ZNG1A: variants seen among roughly 807,000 people sequenced by gnomAD.
ZNG1A encodes the protein zinc-regulated GTPase metalloprotein activator 1A.
the ZNG1A span, among the ~76,000 whole-genome samples, chr9:133,795 C>G: frequency 3.3e-5 from 5 of 151,026 alleles, no homozygotes; most frequent in African/African-American, 1.2e-4. Context: ...TGAGTACCCA[C>G]CAAGCCCTGT....
the ZNG1A span, chr9:147,167 C>G: frequency 2.1e-4 from 24 of 113,212 alleles, 1 homozygote; most frequent in Admixed American, 1.9e-3. Flanking sequence ...CAGAGTGAGA[C>G]TCCGCCTCAA....
At chr9:172,321 T>C in the ZNG1A span, 1 of 923,744 alleles carries the variant, frequency 1.1e-6, no homozygotes, top group South Asian at 1.7e-5. Context: ...TCTAACAAAA[T>C]GTCCGTCCCA....
the ZNG1A span, among the ~76,000 whole-genome samples, chr9:168,341 C>T: frequency 6.6e-6 from 1 of 152,080 alleles, no homozygotes; most frequent in Admixed American, 6.6e-5. Flanking sequence ...CCACCTCCGT[C>T]TCCCGGGTTC....
the ZNG1A span, chr9:166,800 AAAAG>A: frequency 1.3e-5 from 2 of 152,132 alleles, no homozygotes; most frequent in East Asian, 1.9e-4. Flanking sequence ...ATTATTGACA[AAAAG>A]AAAGGCTTCA....
chr9:157,747 C>A, the ZNG1A span, among the ~76,000 whole-genome samples: 3 of 144,532 alleles, frequency 2.1e-5, no homozygotes, highest in Non-Finnish European at 3.0e-5. Context: ...AGTCTGTGTA[C>A]AATGCTACAC....
At chr9:147,050 C>G in the ZNG1A span, 2 of 151,050 alleles carry the variant, frequency 1.3e-5, no homozygotes, top group Non-Finnish European at 2.9e-5. Context: ...TGGTGGCACG[C>G]ACCTGTAGTC....
At chr9:174,305 A>G in the ZNG1A span, among the ~76,000 whole-genome samples, 1 of 152,138 alleles carries the variant, frequency 6.6e-6, no homozygotes, top group Non-Finnish European at 1.5e-5. Flanking sequence ...CAAACAGTGA[A>G]GTTCTAAAAG....
chr9:157,857 G>T, the ZNG1A span, among the ~76,000 whole-genome samples: 1 of 151,244 alleles, frequency 6.6e-6, no homozygotes, highest in African/African-American at 2.4e-5. Flanking sequence ...AGAGCAAGCA[G>T]GTAATAATTT....
the ZNG1A span, among the ~76,000 whole-genome samples, chr9:174,937 T>C: frequency 4.8e-4 from 73 of 151,222 alleles, 1 homozygote; most frequent in African/African-American, 1.8e-3. Context: ...AAAGACCATA[T>C]GTTTACCTTT....
chr9:175,927 A>AT, the ZNG1A span: 2 of 1,350,694 alleles, frequency 1.5e-6, 1 homozygote, highest in Non-Finnish European at 2.0e-6. Context: ...AGAGGATAAG[A>AT]TTAAAGCATC....
the ZNG1A span, chr9:121,745 G>C: frequency 9.4e-7 from 1 of 1,065,012 alleles, no homozygotes; most frequent in South Asian, 1.6e-5. Context: ...AAGTCACATT[G>C]GTCCTTGGAT....
the ZNG1A span, chr9:154,333 G>GTGAGAATA: frequency 2.9e-6 from 1 of 349,276 alleles, no homozygotes; most frequent in Non-Finnish European, 5.1e-6. Flanking sequence ...GATTGGCAGA[G>GTGAGAATA]TGAGAATACA....
the ZNG1A span, among the ~76,000 whole-genome samples, chr9:140,075 G>T: frequency 6.6e-6 from 1 of 150,730 alleles, no homozygotes; most frequent in Non-Finnish European, 1.5e-5. Context: ...AGGCGGCAGC[G>T]AGGCTCGGGG....
the ZNG1A span, chr9:147,801 C>CG: frequency 6.8e-6 from 1 of 146,600 alleles, no homozygotes; most frequent in Non-Finnish European, 1.5e-5. Context: ...CCAAGGTGGG[C>CG]GGATCACTTT....
the ZNG1A span, among the ~76,000 whole-genome samples, chr9:139,986 A>G: frequency 2.0e-5 from 3 of 150,552 alleles, no homozygotes; most frequent in Admixed American, 6.6e-5. Flanking sequence ...ACGAGATTAT[A>G]TCCCGCACCT....
the ZNG1A span, chr9:148,669 T>A: frequency 7.2e-6 from 1 of 138,834 alleles, no homozygotes; most frequent in Admixed American, 7.4e-5. Flanking sequence ...AAGAAAAAGC[T>A]TCAAAAGTTC....
the ZNG1A span, among the ~76,000 whole-genome samples, chr9:169,418 T>G: frequency 6.8e-6 from 1 of 146,992 alleles, no homozygotes; most frequent in African/African-American, 2.6e-5. Flanking sequence ...AATCTACTCC[T>G]GGTGAAGATG....
the ZNG1A span, among the ~76,000 whole-genome samples, chr9:170,719 T>G: frequency 1.4e-5 from 2 of 139,708 alleles, no homozygotes; most frequent in African/African-American, 2.8e-5. Context: ...AGATGATTAC[T>G]TTTCAACTTT....
chr9:146,622 T>C, the ZNG1A span: 400 of 161,222 alleles, frequency 2.5e-3, 3 homozygotes, highest in African/African-American at 9.8e-3. Flanking sequence ...TAAGTTACTC[T>C]AGGACCCTGA....
Sources: allele counts gnomAD v4.1 joint callset (sites outside exome capture counted in the v4.1 genomes callset), GRCh38; gene constraint gnomAD v4.1.1; transcripts MANE v1.5; gene names NCBI Gene and HGNC (gene_info 2026-07-23, HGNC 2026-07-21).